The following PPP1R13L variants were observed in gnomAD, a reference collection of about 807,000 sequenced individuals.
PPP1R13L encodes the protein relA-associated inhibitor.
In PPP1R13L, 50 loss-of-function variants were observed where a neutral mutation model predicts 80.9. That is an observed-to-expected ratio of 0.62 (90% CI 0.49 to 0.78). The LOEUF (loss-of-function observed/expected upper bound fraction) is 0.78. Ranked by LOEUF, PPP1R13L falls within the 30% of genes least tolerant of loss-of-function variation. The pLI is 0.00. For synonymous variants in PPP1R13L, 602 were observed against 534.3 expected (o/e 1.13, Z -1.75); for missense variants, 1,200 against 1,205.9 (o/e 1.00, Z 0.07).
upstream of PPP1R13L, chr19:45,405,103 T>G (rs1973306610): frequency 2.1e-6 from 2 of 971,772 alleles, no homozygotes; most frequent in Non-Finnish European, 1.2e-6. Context: ...TTAGACGACG[T>G]GACTTGGGCT....
At chr19:45,386,369 A>G (rs950778625) in intron 8 of PPP1R13L, among the ~76,000 whole-genome samples, 189 bp from the exon 9 acceptor site, 3 of 152,134 alleles carry the variant, frequency 2.0e-5, no homozygotes, top group Admixed American at 6.6e-5. Context: ...TGCCATAGAC[A>G]GGGAATCCTG....
intron 6 of PPP1R13L, 54 bp from the exon 7 acceptor site, chr19:45,395,940 G>T (rs948584419): frequency 1.0e-4 from 149 of 1,464,878 alleles, no homozygotes; most frequent in Middle Eastern, 1.8e-4. Flanking sequence ...AGGTGGAGGG[G>T]AGGTAAAGAC....
In PPP1R13L at chr19:45,395,656, C is replaced by T; in HGVS notation, c.1134G>A (p.Leu378=). Residue 378 remains leucine, a synonymous_variant, in exon 7 of 13, where the codon CTG becomes CTA. Coordinates refer to ENST00000360957, the MANE Select transcript of PPP1R13L (RefSeq NM_006663.4). ...RPIPLSMIFK[L]QNAFWEHGAS... ...CCCCGTGCTCCCAGAAGGCGTTCTG[C>T]AGCTTGAAGATCATGCTGAGGGGGA... is the stretch of plus-strand genomic sequence containing the variant. 1 of 1,460,222 alleles carries T rather than the reference C, an allele frequency of 6.8e-7. No individual in the cohort carries two copies. Among genetic ancestry groups the T allele is most frequent in the Non-Finnish European group, 9.0e-7 (1 of 1,115,378 alleles). The allele number at this position is 1,460,222 out of a possible 1,614,324, so 90.5% of individuals were successfully genotyped here.
chr19:45,400,729 A>G (rs533988428), intron 1 of PPP1R13L, among the ~76,000 whole-genome samples: 1 of 142,990 alleles, frequency 7.0e-6, no homozygotes, highest in East Asian at 2.0e-4. Context: ...CTGAGACTAT[A>G]GGTATAGCCT....
At chr19:45,397,941 A>G (rs1973145814) in intron 3 of PPP1R13L, 64 bp downstream of exon 3, 8 of 1,528,572 alleles carry the variant, frequency 5.2e-6, no homozygotes, top group Non-Finnish European at 7.0e-6. Flanking sequence ...CCTGAAATCC[A>G]GGCCTCTGGT....
intron 8 of PPP1R13L, among the ~76,000 whole-genome samples, 193 bp downstream of exon 8, chr19:45,391,687 A>G (rs1192624238): frequency 6.6e-6 from 1 of 152,196 alleles, no homozygotes; most frequent in African/African-American, 2.4e-5. Flanking sequence ...TGGATGGCAG[A>G]GCCCCAGGTA....
chr19:45,385,789 G>A (rs1357736172), intron 10 of PPP1R13L, 35 bp downstream of exon 10: 8 of 1,608,852 alleles, frequency 5.0e-6, no homozygotes, highest in Non-Finnish European at 6.8e-6. Flanking sequence ...GTCCGCCCAC[G>A]GGGGACCCAG....
In PPP1R13L at chr19:45,396,952, C is replaced by T; in HGVS notation, c.305G>A (p.Ser102Asn). 2 of 1,420,164 alleles carry T rather than the reference C, an allele frequency of 1.4e-6. No individual in the cohort carries two copies. The highest frequency in any genetic ancestry group is 2.8e-5 in the Admixed American group (1 of 35,100). The allele number at this position is 1,420,164 out of a possible 1,614,324, so 88.0% of individuals were successfully genotyped here. Residue 102 changes from serine to asparagine, a missense_variant, in exon 4 of 13, where the codon AGT becomes AAT. Physicochemically the swap from Ser to Asn is conservative, Grantham distance 46 (BLOSUM62 1). This residue lies in a region of PPP1R13L where 764 missense variants were observed against 714.5 expected (regional missense o/e 1.07). Transcript: ENST00000360957. This position sits in a 1 kb window ranked among gnomAD's most constrained non-coding sequence, Gnocchi z 5.3. ...GADTPFGRSESAPTLHPYSPL... is the reference protein window; with the variant it reads ...GADTPFGRSENAPTLHPYSPL... ...GCTGTAGGGGTGTAGGGTTGGGGCA[C>T]TCTCTGATCGTCCGAACGGGGTGTC...
Position 45,396,177 on chromosome 19 carries a change from G to GC in PPP1R13L, c.893dup (p.Thr299HisfsTer8), listed in dbSNP as rs772397658. 2 of 1,608,122 alleles carry GC rather than the reference G, an allele frequency of 1.2e-6. No individual in the cohort carries two copies. The highest frequency in any genetic ancestry group is 8.5e-7 in the Non-Finnish European group (1 of 1,178,418). On this transcript the variant is annotated frameshift_variant, in exon 6 of 13. Coordinates refer to ENST00000360957, the MANE Select transcript of PPP1R13L (RefSeq NM_006663.4). LOFTEE classifies it high-confidence loss of function. The surrounding 1 kb of genome is among the most constrained non-coding windows in gnomAD (Gnocchi z 5.3). ...GGCGTCGCCTCCTCACCTTGCCGGT[G>GC]CCCCCCAGTCCATCCAGGCTGCTCT... is the stretch of plus-strand genomic sequence containing the variant.
In PPP1R13L at chr19:45,382,530, G is replaced by T; in HGVS notation, c.2445C>A (p.Phe815Leu). The change falls in exon 12 of 13, where the codon TTC becomes TTA. Residue 815 changes from phenylalanine to leucine, a missense_variant. Transcript: ENST00000360957. ...GQEGYVPRNY[F>L]GLFPRVKPQR... is the part of the protein sequence containing the mutation. The stretch of plus-strand genomic sequence containing the variant: ...ATGACTTCTCCCCTGGGCTCACCCC[G>T]AAGTAGTTCCGCGGCACGTAGCCCT... 1 of 1,612,372 alleles carries T rather than the reference G, an allele frequency of 6.2e-7. No homozygotes were observed. The highest frequency in any genetic ancestry group is 8.5e-7 in the Non-Finnish European group (1 of 1,179,276).
At position 45,392,078 on chromosome 19, in the gene PPP1R13L, G is replaced by A. The variant is rs1972985891; in HGVS notation, c.1617C>T (p.His539=). ...QAPAVALPPT[H]KKQYQQIISR... is the part of the protein sequence containing the mutation. ...TGATGATCTGCTGGTACTGTTTCTT[G>A]TGGGTAGGGGGCAGGGCCACAGCAG... Residue 539 remains histidine (H), a synonymous_variant, in exon 8 of 13, where the codon CAC becomes CAT. Coordinates refer to ENST00000360957, the MANE Select transcript of PPP1R13L (RefSeq NM_006663.4). The A allele has an allele frequency of 6.5e-7, 1 of 1,539,126 alleles. No individual in the cohort carries two copies. The highest frequency in any genetic ancestry group is 8.7e-7 in the Non-Finnish European group (1 of 1,143,986).
chr19:45,390,884 G>A (rs572624924), intron 8 of PPP1R13L, among the ~76,000 whole-genome samples: 3 of 152,140 alleles, frequency 2.0e-5, no homozygotes, highest in East Asian at 3.9e-4. Context: ...GCGCCCGGCC[G>A]AGACTCACTA....
At chr19:45,404,430 G>T (rs979480390) in intron 1 of PPP1R13L, among the ~76,000 whole-genome samples, 1 of 152,144 alleles carries the variant, frequency 6.6e-6, no homozygotes, top group Non-Finnish European at 1.5e-5. Context: ...ATCTGCCTCG[G>T]TGTTTTCTCT....
intron 1 of PPP1R13L, chr19:45,402,164 T>TA (rs893019929): frequency 3.3e-5 from 5 of 152,188 alleles, no homozygotes; most frequent in African/African-American, 1.2e-4. Context: ...ATTTCAGAGA[T>TA]ACACAAACAA....
intron 1 of PPP1R13L, 90 bp downstream of exon 1, chr19:45,404,909 A>G: frequency 1.2e-6 from 1 of 816,454 alleles, no homozygotes; most frequent in Non-Finnish European, 1.5e-6. Flanking sequence ...CCGCCCTGGG[A>G]CCTGGCGTCC....
rs1310567158 is a variant in PPP1R13L at position 45,398,294 on chromosome 19, C to A, written c.25G>T (p.Ala9Ser). MDSEAFQS[A>S]RDFLDMNFQS... ...AAGTTCATGTCCAGAAAGTCCCGCG[C>A]GCTCTGGAATGCCTCGCTGTCCATG... The change falls in exon 2 of 13, where the codon GCG becomes TCG. Residue 9 changes from alanine to serine, a missense_variant. This residue lies in a region of PPP1R13L where 764 missense variants were observed against 714.5 expected (regional missense o/e 1.07). Transcript: ENST00000360957. The A allele has an allele frequency of 3.1e-6, 5 of 1,613,906 alleles. No individual in the cohort carries two copies. Among genetic ancestry groups the A allele is most frequent in the Non-Finnish European group, 4.2e-6 (5 of 1,179,948 alleles).
At chr19:45,398,734 C>A (rs1460426422) in intron 1 of PPP1R13L, among the ~76,000 whole-genome samples, 4 of 151,428 alleles carry the variant, frequency 2.6e-5, no homozygotes, top group Non-Finnish European at 5.9e-5. Context: ...CAAGCGCGCG[C>A]CATTATGCCC....
Position 45,385,625 on chromosome 19 carries a change from T to TG in PPP1R13L, c.2184dup (p.Thr729HisfsTer15). On this transcript the variant is annotated frameshift_variant, in exon 11 of 13. Transcript: ENST00000360957. LOFTEE classifies it high-confidence loss of function. ...TAAGGGTCGCACTTCTCGAAGGCGG[T>TG]GGCGCCGTCGCTGAGCGTGGTGGCG... 6.2e-7 allele frequency: 1 copy of TG among 1,613,182 alleles called. No individual in the cohort carries two copies. The highest frequency in any genetic ancestry group is 8.5e-7 in the Non-Finnish European group (1 of 1,179,898).
In PPP1R13L at chr19:45,381,954, A is replaced by G. The variant is rs1014405360; in HGVS notation, c.2448+573T>C. 1.7e-4 allele frequency among the ~76,000 whole-genome samples: 24 copies of G among 141,802 alleles called. No individual in the cohort carries two copies. The Admixed American group carries it at 1.7e-3, about 10-fold the overall frequency. The allele number at this position is 141,802 out of a possible 152,430, so 93.0% of individuals were successfully genotyped here. On this transcript the variant is annotated intron_variant, in intron 12 of 12. Transcript: ENST00000360957. ...GACTCCATCTCAAATAAATAAATACAAATTGGCCGGGTGCGGTGGCTCATG... is the reference window on the plus strand; with the variant it reads ...GACTCCATCTCAAATAAATAAATACGAATTGGCCGGGTGCGGTGGCTCATG...
Sources: gnomAD v4.1 joint callset for allele counts (sites outside exome capture counted in the v4.1 genomes callset) on GRCh38, gnomAD v4.1.1 for gene constraint, gnomAD v4.1.1 regional missense constraint, Gnocchi (gnomAD v3.1) non-coding constraint, MANE v1.5 for transcripts, NCBI Gene and HGNC (gene_info 2026-07-23, HGNC 2026-07-21) for gene names.